Variants in EHHADH observed in about 807,000 individuals in gnomAD.
EHHADH encodes enoyl-CoA hydratase and 3-hydroxyacyl CoA dehydrogenase.
EHHADH carries 48 observed loss-of-function variants against 64.4 expected under a neutral mutation model. The observed-to-expected ratio is 0.75, with a 90% CI of 0.59 to 0.95. The LOEUF is 0.95. Among genes scored for constraint, EHHADH ranks in the 40% least tolerant of loss-of-function variants. The pLI is 0.00. For missense variants in EHHADH, 854 were observed against 876.6 expected, an observed-to-expected ratio of 0.97 and a Z score of 0.33; for synonymous variants, 308 against 326.7, an observed-to-expected ratio of 0.94 and a Z score of 0.62.
chr3:185,200,235 G>C (rs1003312940), intron 6 of EHHADH, among the ~76,000 whole-genome samples: 1 of 152,100 alleles, frequency 6.6e-6, no homozygotes, highest in Non-Finnish European at 1.5e-5. Flanking sequence ...TCTATACTTT[G>C]TATTTACTAG....
At chr3:185,250,109 GA>G (rs1424259263) in intron 1 of EHHADH, among the ~76,000 whole-genome samples, 1 of 152,166 alleles carries the variant, frequency 6.6e-6, no homozygotes, top group Non-Finnish European at 1.5e-5. Flanking sequence ...TGCTGTGAGA[GA>G]AATTAGCTTT....
chr3:185,253,761 TAAAAA>T (rs60892892), intron 1 of EHHADH, 183 bp downstream of exon 1: 9 of 1,072,818 alleles, frequency 8.4e-6, no homozygotes, highest in South Asian at 2.3e-5. Context: ...TAATCTAGGT[TAAAAA>T]AAAAAAAAAA....
chr3:185,199,226 G>T (rs904167842), intron 6 of EHHADH, among the ~76,000 whole-genome samples: 2 of 152,158 alleles, frequency 1.3e-5, no homozygotes, highest in African/African-American at 4.8e-5. Flanking sequence ...TTAAGCAAAG[G>T]CAAGAAAAAA....
Position 185,254,001 on chromosome 3 carries a change from G to A in EHHADH, c.22C>T (p.His8Tyr), listed in dbSNP as rs149510968. Residue 8 changes from histidine (H) to tyrosine (Y), a missense_variant, in exon 1 of 7, where the codon CAC (histidine) becomes TAC (tyrosine). His to Tyr is a moderately conservative substitution (Grantham distance 83, BLOSUM62 2). Transcript: ENST00000231887. MAEYTRL[H>Y]NALALIRLRN... Reference sequence around the variant, plus strand: ...AGGCGGATTAGCGCCAAGGCGTTGTGCAGCCGCGTATACTCGGCCATGTTT... The same window carrying A: ...AGGCGGATTAGCGCCAAGGCGTTGTACAGCCGCGTATACTCGGCCATGTTT... 3.6e-5 allele frequency: 58 copies of A among 1,613,828 alleles called. No homozygotes were observed. The African/African-American group carries it at 6.8e-4, about 19-fold the overall frequency.
intron 2 of EHHADH, among the ~76,000 whole-genome samples, chr3:185,236,159 A>T (rs771592631): frequency 1.9e-4 from 29 of 152,186 alleles, no homozygotes; most frequent in Non-Finnish European, 3.4e-4. Context: ...TATTTTGAGG[A>T]GTTCTTAGTT....
At chr3:185,240,220 TTTTG>T (rs1176719906) in intron 2 of EHHADH, among the ~76,000 whole-genome samples, 1 of 147,832 alleles carries the variant, frequency 6.8e-6, no homozygotes, top group Non-Finnish European at 1.5e-5. Flanking sequence ...GGCCTTTAGT[TTTTG>T]TTTTTTTTTT....
At chr3:185,194,892 T>C (rs998881738) in intron 6 of EHHADH, among the ~76,000 whole-genome samples, 1 of 148,784 alleles carries the variant, frequency 6.7e-6, no homozygotes, top group Non-Finnish European at 1.5e-5. Flanking sequence ...ACATATAGAT[T>C]AGCAGAATAG....
intron 1 of EHHADH, 100 bp downstream of exon 1, chr3:185,253,849 C>G: frequency 6.5e-7 from 1 of 1,533,156 alleles, no homozygotes; most frequent in Non-Finnish European, 8.8e-7. Flanking sequence ...CTTGAGTGTC[C>G]TTCTCGGTTT....
chr3:185,200,363 T>C (rs1170518831), intron 6 of EHHADH, among the ~76,000 whole-genome samples: 2 of 152,144 alleles, frequency 1.3e-5, no homozygotes, highest in African/African-American at 2.4e-5. Flanking sequence ...TACTATATAA[T>C]AAATATATTA....
At position 185,235,334 on chromosome 3, in the gene EHHADH, G is replaced by A; in HGVS notation, c.307C>T (p.Leu103=). The A allele has an allele frequency of 2.5e-6, 4 of 1,613,934 alleles. No homozygotes were observed. Among genetic ancestry groups the A allele is most frequent in the East Asian group, 2.2e-5 (1 of 44,856 alleles). Residue 103 remains leucine (L), a synonymous_variant, in exon 3 of 7, where the codon CTA becomes TTA. Coordinates refer to ENST00000231887, the MANE Select transcript of EHHADH (RefSeq NM_001966.4). ...TAGTGACAGCCCAGGGCCAGCTCTA[G>A]TCCCCCTCCGAAAGCCATGCCTTGG... The part of the protein sequence containing the change: ...AIQGMAFGGG[L]ELALGCHYRI...
At chr3:185,214,349 A>G (rs1182295318) in intron 5 of EHHADH, among the ~76,000 whole-genome samples, 1 of 152,152 alleles carries the variant, frequency 6.6e-6, no homozygotes, top group Non-Finnish European at 1.5e-5. Flanking sequence ...TCTTTTACCA[A>G]TACATAAAAC....
chr3:185,211,278 C>T (rs1369094142), intron 5 of EHHADH, among the ~76,000 whole-genome samples: 1 of 152,108 alleles, frequency 6.6e-6, no homozygotes, highest in African/African-American at 2.4e-5. Flanking sequence ...GCATTGGCTG[C>T]CCAGGGAAAT....
chr3:185,196,440 G>A (rs1485439570), intron 6 of EHHADH, among the ~76,000 whole-genome samples: 2 of 152,134 alleles, frequency 1.3e-5, no homozygotes, highest in East Asian at 3.9e-4. Flanking sequence ...AGGAGTTCAA[G>A]ACCAGCCTGA....
chr3:185,227,657 C>T (rs1719018564), intron 4 of EHHADH, among the ~76,000 whole-genome samples: 1 of 151,316 alleles, frequency 6.6e-6, no homozygotes, highest in Non-Finnish European at 1.5e-5. Flanking sequence ...GAAACCCTGT[C>T]TCTACTAAAA....
In EHHADH at chr3:185,190,954, A is replaced by G. The variant is rs1717847030; in HGVS notation, c.*1272T>C. 6.6e-6 allele frequency: 1 copy of G among 152,180 alleles called. No individual in the cohort carries two copies. Among genetic ancestry groups the G allele is most frequent in the Non-Finnish European group, 1.5e-5 (1 of 68,040 alleles). The allele number at this position is 152,180 out of a possible 1,614,324, so 9.4% of individuals were successfully genotyped here. On this transcript the variant is annotated 3_prime_UTR_variant, in exon 7 of 7. Transcript: ENST00000231887. Reference sequence around the variant, plus strand: ...ATATAATTCACATACCATATAATTCACCCACTTAAAATATACAACTCAATG... The same window carrying G: ...ATATAATTCACATACCATATAATTCGCCCACTTAAAATATACAACTCAATG...
chr3:185,223,288 T>C (rs1718884648), intron 4 of EHHADH, among the ~76,000 whole-genome samples: 1 of 152,158 alleles, frequency 6.6e-6, no homozygotes, highest in African/African-American at 2.4e-5. Context: ...CATCTTTTTA[T>C]TGCTTCAAAA....
chr3:185,238,287 C>G (rs1719353667), intron 2 of EHHADH, among the ~76,000 whole-genome samples: 1 of 152,112 alleles, frequency 6.6e-6, no homozygotes, highest in Non-Finnish European at 1.5e-5. Flanking sequence ...AGTTGGATTG[C>G]TGGGTCAAAT....
At chr3:185,195,957 G>A (rs1419028793) in intron 6 of EHHADH, among the ~76,000 whole-genome samples, 1 of 152,178 alleles carries the variant, frequency 6.6e-6, no homozygotes, top group East Asian at 1.9e-4. Flanking sequence ...CAGAAACCCT[G>A]AGCTAAGGCT....
chr3:185,242,969 C>A (rs550999617), intron 2 of EHHADH, among the ~76,000 whole-genome samples: 1 of 152,228 alleles, frequency 6.6e-6, no homozygotes, highest in African/African-American at 2.4e-5. Flanking sequence ...GCCACCCTCT[C>A]GAAGGATCTC....
Sources: gnomAD v4.1 joint callset for allele counts (sites outside exome capture counted in the v4.1 genomes callset) on GRCh38, gnomAD v4.1.1 for gene constraint, MANE v1.5 for transcripts, NCBI Gene and HGNC (gene_info 2026-07-23, HGNC 2026-07-21) for gene names.